DIPK2B: variants seen among roughly 807,000 people sequenced by gnomAD.
DIPK2B encodes divergent protein kinase domain 2B, also known as UPF0672 protein CXorf36.
DIPK2B carries 15 observed loss-of-function variants against 22.2 expected under a neutral mutation model. That is an observed-to-expected ratio of 0.68 (90% CI 0.45 to 1.04). The LOEUF is 1.04. DIPK2B is among the 50% of genes least tolerant of loss of function. DIPK2B has a pLI of 0.00. For missense variants in DIPK2B, 345 were observed against 348.3 expected (o/e 0.99, Z 0.08); for synonymous variants, 163 against 153.2 (o/e 1.06, Z -0.47).
chrX:45,150,465 T>A lies in DIPK2B; in HGVS notation c.*1187A>T, dbSNP rs1215604527. ...TGTAAGGCCAAGTTTGAATGAAAATTCCTAGACTCCTTAGAGTCCCAACTC... is the reference window on the plus strand; with the variant it reads ...TGTAAGGCCAAGTTTGAATGAAAATACCTAGACTCCTTAGAGTCCCAACTC... On this transcript the variant is annotated 3_prime_UTR_variant, in exon 5 of 5. Coordinates refer to ENST00000398000, the MANE Select transcript of DIPK2B (RefSeq NM_176819.4). The A allele has an allele frequency of 8.9e-6, 1 of 112,041 alleles. No individual in the cohort carries two copies. The highest frequency in any genetic ancestry group is 2.8e-4 in the East Asian group (1 of 3,560). 9.2% of individuals were successfully genotyped at this position (112,041 alleles called of 1,213,427 possible).
chrX:45,197,398 C>T (rs752649980), intron 1 of DIPK2B, among the ~76,000 whole-genome samples: 85 of 111,501 alleles, frequency 7.6e-4, no homozygotes, highest in Non-Finnish European at 1.0e-3. Context: ...CCGCCATGTC[C>T]GGCTAATTTT....
Position 45,148,844 on chromosome X carries a change from G to T in DIPK2B, c.*2808C>A, listed in dbSNP as rs2046946240. The T allele has an allele frequency of 9.0e-6, 1 of 111,631 alleles. No homozygotes were observed. Among genetic ancestry groups the T allele is most frequent in the South Asian group, 3.8e-4 (1 of 2,619 alleles). The allele number at this position is 111,631 out of a possible 1,213,427, so 9.2% of individuals were successfully genotyped here. On this transcript the variant is annotated 3_prime_UTR_variant, in exon 5 of 5. Transcript: ENST00000398000. ...CCAATCTCCCTACAGCTCCTCGGGGGACAGCTCGCCGGTTTTCTCATTTGC... is the reference window on the plus strand; with the variant it reads ...CCAATCTCCCTACAGCTCCTCGGGGTACAGCTCGCCGGTTTTCTCATTTGC...
At chrX:45,163,858 T>C in intron 2 of DIPK2B, 1 of 831,248 alleles carries the variant, frequency 1.2e-6, no homozygotes, top group Non-Finnish European at 1.5e-6. Flanking sequence ...GGAAGACCTG[T>C]CCAGACTGAG....
Position 45,154,037 on chromosome X carries a change from CAA to C in DIPK2B, c.832_833del (p.Leu278GlufsTer15). 1 of 1,211,361 alleles carries C rather than the reference CAA, an allele frequency of 8.3e-7. No individual in the cohort carries two copies. The highest frequency in any genetic ancestry group is 1.1e-6 in the Non-Finnish European group (1 of 895,343). ...AYQLLGVLES[L>X]RSNDLNYFFY... ...AGAAATAGTTCAAATCGTTGCTCCT[CAA>C]AGACTCCAGGACACCCAGGAGCTGG... On this transcript the variant is annotated frameshift_variant, in exon 4 of 5. Coordinates refer to ENST00000398000, the MANE Select transcript of DIPK2B (RefSeq NM_176819.4). LOFTEE classifies it high-confidence loss of function.
chrX:45,182,175 A>G (rs1382833239), intron 2 of DIPK2B, among the ~76,000 whole-genome samples: 1 of 111,882 alleles, frequency 8.9e-6, no homozygotes, highest in Non-Finnish European at 1.9e-5. Context: ...TATCCAGAAT[A>G]TAAATATAAC....
chrX:45,175,834 C>A (rs2047115097), intron 2 of DIPK2B, among the ~76,000 whole-genome samples: 1 of 106,579 alleles, frequency 9.4e-6, no homozygotes, highest in Non-Finnish European at 1.9e-5. Flanking sequence ...GAAAGGGAAA[C>A]GATCCATTTT....
At chrX:45,192,161 AT>A in intron 1 of DIPK2B, 146 bp from the exon 2 acceptor site, 1 of 596,967 alleles carries the variant, frequency 1.7e-6, no homozygotes, top group South Asian at 3.1e-5. Flanking sequence ...TGAGAGGACT[AT>A]TTTTGCTTCT....
At chrX:45,157,959 G>A (rs1396136962) in intron 2 of DIPK2B, 71 bp from the exon 3 acceptor site, 3 of 692,795 alleles carry the variant, frequency 4.3e-6, no homozygotes, top group East Asian at 1.1e-4. Context: ...GGGTTAGCAG[G>A]AGGGGGAATG....
intron 2 of DIPK2B, chrX:45,164,035 T>G: frequency 2.0e-6 from 2 of 1,002,996 alleles, no homozygotes; most frequent in Non-Finnish European, 2.5e-6. Context: ...TGTGTGTTGG[T>G]GAATTCTGGA....
At chrX:45,185,416 C>T (rs1206019689) in intron 2 of DIPK2B, among the ~76,000 whole-genome samples, 1 of 110,679 alleles carries the variant, frequency 9.0e-6, no homozygotes, top group Non-Finnish European at 1.9e-5. Context: ...AGCTTAAAGC[C>T]CTGTAAAAGC....
intron 2 of DIPK2B, chrX:45,164,320 C>T: frequency 1.8e-6 from 2 of 1,092,075 alleles, no homozygotes; most frequent in South Asian, 2.1e-5. Context: ...TTAATTTTCG[C>T]AGCTCTGGCT....
At chrX:45,166,419 G>C (rs1239311341) in intron 2 of DIPK2B, among the ~76,000 whole-genome samples, 2 of 111,097 alleles carry the variant, frequency 1.8e-5, no homozygotes, top group East Asian at 5.6e-4. Flanking sequence ...CATGAGGGAA[G>C]GGCAGCGGGT....
intron 1 of DIPK2B, among the ~76,000 whole-genome samples, chrX:45,198,762 C>A (rs1397803416): frequency 9.0e-6 from 1 of 111,655 alleles, no homozygotes; most frequent in Non-Finnish European, 1.9e-5. Context: ...CATTGCTTCA[C>A]CTGTGTTCTT....
Position 45,169,274 on chromosome X carries a change from G to A in DIPK2B, c.499-11386C>T, listed in dbSNP as rs747968863. Among the ~76,000 whole-genome samples, 11 of 111,711 alleles carry A rather than the reference G, an allele frequency of 9.8e-5. No homozygotes were observed. The South Asian group carries it at 3.0e-3, about 31-fold the overall frequency. The stretch of plus-strand genomic sequence containing the variant: ...TCTGGTACATGGGAAGGCTCTAGAA[G>A]CATTTTCTATTATCATTTGTCCCAA... On this transcript the variant is annotated intron_variant, in intron 2 of 4. Coordinates refer to ENST00000398000, the MANE Select transcript of DIPK2B (RefSeq NM_176819.4).
chrX:45,178,823 A>C (rs1603109763), intron 2 of DIPK2B, among the ~76,000 whole-genome samples: 1 of 111,636 alleles, frequency 9.0e-6, no homozygotes, highest in Non-Finnish European at 1.9e-5. Flanking sequence ...TGCCAAGCAG[A>C]TATTTCAGAG....
intron 2 of DIPK2B, among the ~76,000 whole-genome samples, chrX:45,189,741 G>T (rs990819127): frequency 1.8e-5 from 2 of 111,955 alleles, no homozygotes; most frequent in Non-Finnish European, 3.8e-5. Context: ...CTCTGGAAAG[G>T]AGGTGAGGAG....
In DIPK2B at chrX:45,148,811, A is replaced by T. The variant is rs2046945986; in HGVS notation, c.*2841T>A. ...TACACAAAATTTTATTGTAATTTAT[A>T]CTAAAAACCAATCTCCCTACAGCTC... On this transcript the variant is annotated 3_prime_UTR_variant, in exon 5 of 5. Coordinates refer to ENST00000398000, the MANE Select transcript of DIPK2B (RefSeq NM_176819.4). 1 of 111,343 alleles carries T rather than the reference A, an allele frequency of 9.0e-6. No homozygotes were observed. The highest frequency in any genetic ancestry group is 3.9e-4 in the South Asian group (1 of 2,593). The allele number at this position is 111,343 out of a possible 1,213,427, so 9.2% of individuals were successfully genotyped here.
intron 1 of DIPK2B, among the ~76,000 whole-genome samples, chrX:45,192,290 T>C (rs1366746564): frequency 8.9e-6 from 1 of 111,820 alleles, no homozygotes; most frequent in Non-Finnish European, 1.9e-5. Flanking sequence ...CTCTCTGAAC[T>C]TTTACTCCCT....
chrX:45,173,894 C>A (rs7050908), intron 2 of DIPK2B, among the ~76,000 whole-genome samples: 22,510 of 110,437 alleles, frequency 0.2, 2,240 homozygotes, highest in East Asian at 0.46. Context: ...TATCTCCCAT[C>A]CCAACCCCTA....
Sources: allele counts gnomAD v4.1 joint callset (sites outside exome capture counted in the v4.1 genomes callset), GRCh38; gene constraint gnomAD v4.1.1; transcripts MANE v1.5; gene names NCBI Gene and HGNC (gene_info 2026-07-23, HGNC 2026-07-21).